ZNF292: variants seen among roughly 807,000 people sequenced by gnomAD.
ZNF292 encodes zinc finger protein 292, also known as 16 zinc-finger domain protein.
In ZNF292, 26 loss-of-function variants were observed where a neutral mutation model predicts 217.9. The observed-to-expected ratio is 0.12, with a 90% CI of 0.09 to 0.17. The LOEUF (loss-of-function observed/expected upper bound fraction) is 0.17. Ranked by LOEUF, ZNF292 falls within the 10% of genes least tolerant of loss-of-function variation. The pLI is 1.00. For synonymous variants in ZNF292, 1,257 were observed against 1,124.1 expected (o/e 1.12, Z -2.37); for missense variants, 2,904 against 3,175.2 (o/e 0.91, Z 2.05).
intron 1 of ZNF292, among the ~76,000 whole-genome samples, chr6:87,191,287 A>T (rs1405171332): frequency 4.1e-5 from 1 of 24,348 alleles, no homozygotes; most frequent in Non-Finnish European, 6.6e-5. Flanking sequence ...TGATGAGCTT[A>T]AAAAAAAAAA....
chr6:87,246,395 G>A (rs1015948962), intron 7 of ZNF292, among the ~76,000 whole-genome samples: 8 of 152,180 alleles, frequency 5.3e-5, no homozygotes, highest in African/African-American at 1.9e-4. Flanking sequence ...TTAGTGTATA[G>A]CAGCTGAGAT....
In ZNF292 at chr6:87,155,775, G is replaced by C; in HGVS notation, c.168+16G>C. Reference sequence around the variant, plus strand: ...GCTGTGCCAGGTGAGGGCGCCCGGTGGTCCCCTCCCCCTTTCCCCAGCTAG... The same window carrying C: ...GCTGTGCCAGGTGAGGGCGCCCGGTCGTCCCCTCCCCCTTTCCCCAGCTAG... On this transcript the variant is annotated intron_variant, in intron 1 of 7. Transcript: ENST00000369577. The C allele has an allele frequency of 8.2e-6, 13 of 1,579,200 alleles. No individual in the cohort carries two copies. The highest frequency in any genetic ancestry group is 1.1e-5 in the Non-Finnish European group (13 of 1,162,888).
chr6:87,216,226 A>G (rs918117458), intron 2 of ZNF292, 73 bp from the exon 3 acceptor site: 7 of 1,402,472 alleles, frequency 5.0e-6, no homozygotes, highest in East Asian at 2.5e-5. Flanking sequence ...TTATGATACT[A>G]GAATTACTGG....
intron 1 of ZNF292, among the ~76,000 whole-genome samples, chr6:87,182,760 G>A (rs1771509263): frequency 6.6e-6 from 1 of 152,112 alleles, no homozygotes; most frequent in Non-Finnish European, 1.5e-5. Flanking sequence ...ATATCCAGTA[G>A]CCTTTACATT....
At chr6:87,159,864 G>T (rs1770673508) in intron 1 of ZNF292, among the ~76,000 whole-genome samples, 1 of 152,146 alleles carries the variant, frequency 6.6e-6, no homozygotes. Flanking sequence ...TTCAAAGTTA[G>T]CTTTAATATG....
In ZNF292 at chr6:87,256,558, A is replaced by G; in HGVS notation, c.2929A>G (p.Thr977Ala). Reference protein sequence around the residue: ...VTDLHTPVEDTCNDLCHPGFQ... With the variant: ...VTDLHTPVEDACNDLCHPGFQ... Reference sequence around the variant, plus strand: ...AGACTTACATACGCCAGTTGAAGATACTTGTAATGATTTGTGTCATCCAGG... The same window carrying G: ...AGACTTACATACGCCAGTTGAAGATGCTTGTAATGATTTGTGTCATCCAGG... The change falls in exon 8 of 8, where the codon ACT (threonine) becomes GCT (alanine). Residue 977 changes from threonine (T) to alanine (A), a missense_variant. Coordinates refer to ENST00000369577, the MANE Select transcript of ZNF292 (RefSeq NM_015021.3). 3 of 1,613,574 alleles carry G rather than the reference A, an allele frequency of 1.9e-6. No homozygotes were observed. The highest frequency in any genetic ancestry group is 1.7e-4 in the Middle Eastern group (1 of 6,060).
At chr6:87,240,177 C>T (rs1323373044) in intron 5 of ZNF292, among the ~76,000 whole-genome samples, 2 of 152,168 alleles carry the variant, frequency 1.3e-5, no homozygotes, top group Non-Finnish European at 2.9e-5. Flanking sequence ...CAGCGAAACC[C>T]CGTCTCCACC....
chr6:87,165,021 C>T (rs556950582), intron 1 of ZNF292, among the ~76,000 whole-genome samples: 11 of 152,104 alleles, frequency 7.2e-5, no homozygotes, highest in African/African-American at 2.7e-4. Flanking sequence ...CCTCAGCCTC[C>T]CAAAGTGCCG....
chr6:87,226,618 T>G (rs1773355236), intron 4 of ZNF292, among the ~76,000 whole-genome samples: 1 of 148,280 alleles, frequency 6.7e-6, no homozygotes, highest in Non-Finnish European at 1.5e-5. Context: ...GGACATTATT[T>G]TTTAGTGTGT....
At chr6:87,250,067 A>G (rs932393834) in intron 7 of ZNF292, among the ~76,000 whole-genome samples, 25 of 151,398 alleles carry the variant, frequency 1.7e-4, no homozygotes, top group Non-Finnish European at 2.7e-4. Flanking sequence ...ATTGAAGACT[A>G]TCAACCAGCT....
At chr6:87,235,176 C>T (rs1158146045) in intron 5 of ZNF292, among the ~76,000 whole-genome samples, 1 of 151,788 alleles carries the variant, frequency 6.6e-6, no homozygotes, top group Non-Finnish European at 1.5e-5. Context: ...CTTATTAGTT[C>T]CAAATAACTA....
chr6:87,180,348 TTTC>T (rs1451351201), intron 1 of ZNF292, among the ~76,000 whole-genome samples: 4 of 152,218 alleles, frequency 2.6e-5, no homozygotes, highest in African/African-American at 9.6e-5. Flanking sequence ...TATGGTTTTG[TTTC>T]TTCTTACTGT....
At chr6:87,239,656 C>T (rs1158778912) in intron 5 of ZNF292, among the ~76,000 whole-genome samples, 2 of 119,220 alleles carry the variant, frequency 1.7e-5, no homozygotes, top group African/African-American at 4.1e-5. Flanking sequence ...GGCGGAGGGG[C>T]TCCTCACTTC....
chr6:87,216,462 T>G lies in ZNF292; in HGVS notation c.402+85T>G. 1.3e-5 allele frequency: 12 copies of G among 954,586 alleles called. No individual in the cohort carries two copies. In the South Asian group the frequency reaches 1.8e-4, roughly 15 times the overall value. The allele number at this position is 954,586 out of a possible 1,614,324, so 59.1% of individuals were successfully genotyped here. A position where few individuals can be genotyped will look rare whatever the true frequency, so the allele number is the denominator to read the frequency against. ...TTAAAAAAATTATTCAGTTAAACTT[T>G]AAGACATCTCAATAATGACAGACAT... On this transcript the variant is annotated intron_variant, in intron 3 of 7. Coordinates refer to ENST00000369577, the MANE Select transcript of ZNF292 (RefSeq NM_015021.3).
At chr6:87,195,844 G>A (rs1267586823) in intron 1 of ZNF292, among the ~76,000 whole-genome samples, 2 of 151,646 alleles carry the variant, frequency 1.3e-5, no homozygotes, top group Non-Finnish European at 2.9e-5. Context: ...CCTGGCCAAC[G>A]TGGGGAAACC....
intron 7 of ZNF292, among the ~76,000 whole-genome samples, chr6:87,254,413 A>C (rs940264580): frequency 1.3e-5 from 2 of 152,222 alleles, no homozygotes; most frequent in Non-Finnish European, 2.9e-5. Context: ...CTAGCCATTA[A>C]ATAATTCCAT....
intron 1 of ZNF292, among the ~76,000 whole-genome samples, chr6:87,192,532 C>G (rs992564961): frequency 6.6e-6 from 1 of 152,150 alleles, no homozygotes; most frequent in Non-Finnish European, 1.5e-5. Context: ...CACTCTTCCA[C>G]ATACCCAGAC....
chr6:87,175,522 A>G (rs1167591058), intron 1 of ZNF292, among the ~76,000 whole-genome samples: 1 of 152,110 alleles, frequency 6.6e-6, no homozygotes, highest in East Asian at 1.9e-4. Flanking sequence ...ATTTTTTTGT[A>G]GAGACAGTGT....
Position 87,216,290 on chromosome 6 carries a change from G to A in ZNF292, c.324-9G>A. 1 of 1,564,512 alleles carries A rather than the reference G, an allele frequency of 6.4e-7. No homozygotes were observed. Among genetic ancestry groups the A allele is most frequent in the Non-Finnish European group, 8.7e-7 (1 of 1,153,144 alleles). On this transcript the variant is annotated splice_polypyrimidine_tract_variant and intron_variant, in intron 2 of 7. Transcript: ENST00000369577. The stretch of plus-strand genomic sequence containing the variant: ...TTATTCCTCTCCTTACCAACTTTTT[G>A]TTTTTTAGAAGCTGTGTTGAACTTT...
Sources: gnomAD v4.1 joint callset for allele counts (sites outside exome capture counted in the v4.1 genomes callset) on GRCh38, gnomAD v4.1.1 for gene constraint, MANE v1.5 for transcripts, NCBI Gene and HGNC (gene_info 2026-07-23, HGNC 2026-07-21) for gene names.